GRID2: variants seen among roughly 807,000 people sequenced by gnomAD.
GRID2 encodes glutamate ionotropic receptor delta type subunit 2, also known as glutamate receptor ionotropic, delta-2.
A neutral mutation model predicts 114.8 loss-of-function variants in GRID2; 33 were observed. The observed-to-expected ratio is 0.29, with a 90% CI of 0.22 to 0.38. GRID2 has a LOEUF of 0.38. GRID2 is among the 10% of genes least tolerant of loss of function. The pLI is 1.00. For missense variants in GRID2, 1,184 were observed against 1,257.7 expected (o/e 0.94, Z 0.89); for synonymous variants, 505 against 449.9 (o/e 1.12, Z -1.55).
At chr4:93,495,532 A>G (rs1313848574) in intron 12 of GRID2, among the ~76,000 whole-genome samples, 4 of 151,738 alleles carry the variant, frequency 2.6e-5, no homozygotes, top group Non-Finnish European at 5.9e-5. Flanking sequence ...AGGGCATGGT[A>G]AGACTTGTTA....
chr4:93,624,610 A>C (rs1489438044), intron 13 of GRID2, among the ~76,000 whole-genome samples: 1 of 152,146 alleles, frequency 6.6e-6, no homozygotes, highest in Non-Finnish European at 1.5e-5. Context: ...CCTCATTTGT[A>C]AGATATGTTG....
At chr4:93,038,723 G>A (rs559535333) in intron 2 of GRID2, among the ~76,000 whole-genome samples, 41 of 152,152 alleles carry the variant, frequency 2.7e-4, no homozygotes, top group African/African-American at 6.7e-4. Flanking sequence ...CCCAGGAGGC[G>A]GAGCTTAGAG....
chr4:92,880,647 G>C (rs538489265), intron 2 of GRID2, among the ~76,000 whole-genome samples: 1 of 151,874 alleles, frequency 6.6e-6, no homozygotes, highest in Non-Finnish European at 1.5e-5. Context: ...ATTCTAGAGG[G>C]ATAATAAATA....
intron 2 of GRID2, among the ~76,000 whole-genome samples, chr4:92,739,078 C>A (rs538973060): frequency 6.6e-6 from 1 of 152,118 alleles, no homozygotes; most frequent in Non-Finnish European, 1.5e-5. Flanking sequence ...ATACTCACTC[C>A]TATCTAGCTG....
chr4:93,557,129 G>A (rs1324616384), intron 13 of GRID2, among the ~76,000 whole-genome samples: 14 of 152,176 alleles, frequency 9.2e-5, no homozygotes, highest in Admixed American at 9.2e-4. Flanking sequence ...ACCAGCCACT[G>A]CAAAAACATA....
chr4:92,631,778 G>A lies in GRID2; in HGVS notation c.244+41492G>A, dbSNP rs1218503986. On this transcript the variant is annotated intron_variant, in intron 2 of 15. Transcript: ENST00000282020. Reference sequence around the variant, plus strand: ...GATTTTTAGGATATTGTCAAATCTTGTATCAAATCCAAAACTCTGATATCT... The same window carrying A: ...GATTTTTAGGATATTGTCAAATCTTATATCAAATCCAAAACTCTGATATCT... Among the ~76,000 whole-genome samples the A allele has an allele frequency of 2.0e-5, 3 of 152,058 alleles. No homozygotes were observed. The East Asian group carries it at 5.8e-4, about 29-fold the overall frequency.
intron 2 of GRID2, among the ~76,000 whole-genome samples, chr4:93,000,067 A>G (rs1006023213): frequency 3.3e-5 from 5 of 151,692 alleles, no homozygotes; most frequent in South Asian, 2.1e-4. Context: ...AAATAAAAAT[A>G]TTTTGTATCC....
chr4:92,945,080 A>G (rs1751523090), intron 2 of GRID2, among the ~76,000 whole-genome samples: 2 of 152,166 alleles, frequency 1.3e-5, no homozygotes, highest in African/African-American at 4.8e-5. Flanking sequence ...TAAGTTTGAA[A>G]TTAGATTTTA....
chr4:93,537,442 C>T (rs1052223649), intron 13 of GRID2, among the ~76,000 whole-genome samples: 12 of 151,808 alleles, frequency 7.9e-5, no homozygotes, highest in Non-Finnish European at 1.6e-4. Context: ...GGCTATAAAA[C>T]ATGGTAAAAA....
intron 2 of GRID2, among the ~76,000 whole-genome samples, chr4:92,893,334 G>A (rs772396306): frequency 2.0e-5 from 3 of 152,118 alleles, no homozygotes; most frequent in Non-Finnish European, 2.9e-5. Flanking sequence ...CTTCTTGTTC[G>A]TTCCTTCAGA....
chr4:92,607,185 C>T (rs1729499854), intron 2 of GRID2, among the ~76,000 whole-genome samples: 2 of 151,886 alleles, frequency 1.3e-5, no homozygotes, highest in Admixed American at 6.6e-5. Context: ...ACATGCTTAG[C>T]GTTCCAATAA....
At chr4:92,340,232 A>G (rs1383672327) in intron 1 of GRID2, among the ~76,000 whole-genome samples, 1 of 152,102 alleles carries the variant, frequency 6.6e-6, no homozygotes, top group Non-Finnish European at 1.5e-5. Context: ...ATCATCTCCC[A>G]TATACTTGTA....
At chr4:92,657,731 T>A (rs1175063133) in intron 2 of GRID2, among the ~76,000 whole-genome samples, 1 of 151,808 alleles carries the variant, frequency 6.6e-6, no homozygotes, top group African/African-American at 2.4e-5. Flanking sequence ...TATTTTAATT[T>A]TGTTTTTATT....
chr4:92,501,036 A>G (rs1055864146), intron 1 of GRID2, among the ~76,000 whole-genome samples: 11 of 152,062 alleles, frequency 7.2e-5, no homozygotes, highest in African/African-American at 2.7e-4. Flanking sequence ...ACCAATAGAA[A>G]CCTTAGGCTT....
intron 2 of GRID2, among the ~76,000 whole-genome samples, chr4:93,012,374 C>T (rs968700618): frequency 2.6e-5 from 4 of 152,036 alleles, no homozygotes; most frequent in Non-Finnish European, 4.4e-5. Flanking sequence ...GCATCACCCC[C>T]ATATACTATA....
chr4:93,617,979 A>AC (rs199740775), intron 13 of GRID2, among the ~76,000 whole-genome samples: 3 of 149,890 alleles, frequency 2.0e-5, no homozygotes, highest in South Asian at 2.1e-4. Flanking sequence ...GTTTGATACT[A>AC]CCCCCCCTAA....
At chr4:93,740,002 G>A (rs1189764779) in intron 14 of GRID2, among the ~76,000 whole-genome samples, 1 of 152,048 alleles carries the variant, frequency 6.6e-6, no homozygotes. Context: ...CTTGATTGAG[G>A]CTTTAGAAAC....
intron 1 of GRID2, among the ~76,000 whole-genome samples, chr4:92,326,617 CA>C (rs1322494518): frequency 6.6e-6 from 1 of 151,740 alleles, no homozygotes; most frequent in Non-Finnish European, 1.5e-5. Flanking sequence ...CTATAAAAAC[CA>C]AATAATCAGA....
intron 13 of GRID2, among the ~76,000 whole-genome samples, chr4:93,551,299 G>C (rs79676468): frequency 0.011 from 1,602 of 152,268 alleles, 37 homozygotes; most frequent in African/African-American, 0.036. Flanking sequence ...GGAAGGTTTT[G>C]GGGATGGAGG....
Sources: allele counts gnomAD v4.1 joint callset (sites outside exome capture counted in the v4.1 genomes callset), GRCh38; gene constraint gnomAD v4.1.1; transcripts MANE v1.5; gene names NCBI Gene and HGNC (gene_info 2026-07-23, HGNC 2026-07-21).